Variants in TMEM74 observed in about 807,000 individuals in gnomAD.
The protein encoded by TMEM74 is transmembrane protein 74.
TMEM74 carries 13 observed loss-of-function variants against 18.1 expected under a neutral mutation model. The observed-to-expected ratio is 0.72, with a 90% CI of 0.47 to 1.14. The LOEUF (loss-of-function observed/expected upper bound fraction) is 1.14. Among genes scored for constraint, TMEM74 ranks in the 50% most tolerant of loss-of-function variants. The pLI is 0.00. For synonymous variants in TMEM74, 159 were observed against 146.6 expected, an observed-to-expected ratio of 1.08 and a Z score of -0.61; for missense variants, 372 against 375.9, an observed-to-expected ratio of 0.99 and a Z score of 0.09.
At chr8:108,741,934 G>A (rs1813804870) in intron 1 of TMEM74, among the ~76,000 whole-genome samples, 1 of 152,016 alleles carries the variant, frequency 6.6e-6, no homozygotes. Context: ...AAGAAAATAT[G>A]GTACAAATAT....
At chr8:108,757,247 G>A (rs962088885) in intron 1 of TMEM74, among the ~76,000 whole-genome samples, 1 of 151,858 alleles carries the variant, frequency 6.6e-6, no homozygotes, top group Non-Finnish European at 1.5e-5. Flanking sequence ...TGCTAGATTA[G>A]GACCATCTTA....
intron 3 of TMEM74, among the ~76,000 whole-genome samples, chr8:108,608,163 A>G (rs537337109): frequency 3.9e-5 from 6 of 152,032 alleles, no homozygotes; most frequent in Non-Finnish European, 5.9e-5. Context: ...TTAGCTGGGC[A>G]TGGTGGTGCG....
At chr8:108,714,833 T>C (rs1399722420) in intron 1 of TMEM74, among the ~76,000 whole-genome samples, 1 of 152,150 alleles carries the variant, frequency 6.6e-6, no homozygotes, top group Admixed American at 6.5e-5. Context: ...TACCATGGAA[T>C]ACCATGCAGC....
chr8:108,671,560 G>A (rs553055495), intron 1 of TMEM74, among the ~76,000 whole-genome samples: 93 of 152,254 alleles, frequency 6.1e-4, no homozygotes, highest in African/African-American at 2.0e-3. Flanking sequence ...TTGGTTCTCC[G>A]AAAATGTTGA....
intron 1 of TMEM74, among the ~76,000 whole-genome samples, chr8:108,658,341 G>A (rs897510788): frequency 2.2e-4 from 33 of 151,928 alleles, no homozygotes; most frequent in African/African-American, 7.7e-4. Context: ...CATATACACA[G>A]GATTTTTGGC....
At chr8:108,703,875 A>G (rs918369499) in intron 1 of TMEM74, among the ~76,000 whole-genome samples, 2 of 152,328 alleles carry the variant, frequency 1.3e-5, no homozygotes, top group Admixed American at 1.3e-4. Context: ...TACTCATACC[A>G]AACTCAAGAA....
chr8:108,709,054 T>C (rs1813448928), intron 1 of TMEM74, among the ~76,000 whole-genome samples: 1 of 152,114 alleles, frequency 6.6e-6, no homozygotes, highest in Non-Finnish European at 1.5e-5. Flanking sequence ...TGTGGAGAAA[T>C]TGGAATCCTT....
At chr8:108,680,421 G>C (rs1170738601) in intron 1 of TMEM74, among the ~76,000 whole-genome samples, 1 of 152,146 alleles carries the variant, frequency 6.6e-6, no homozygotes, top group Non-Finnish European at 1.5e-5. Context: ...AAAACCACAT[G>C]ATTATCTCAA....
intron 2 of TMEM74, among the ~76,000 whole-genome samples, chr8:108,651,951 A>T (rs1055682523): frequency 6.6e-6 from 1 of 152,108 alleles, no homozygotes; most frequent in African/African-American, 2.4e-5. Context: ...TAAAAAAAAA[A>T]AAAATCCTAG....
At chr8:108,635,398 T>A (rs550700023) in intron 2 of TMEM74, among the ~76,000 whole-genome samples, 3 of 152,182 alleles carry the variant, frequency 2.0e-5, no homozygotes, top group South Asian at 4.1e-4. Context: ...CATAGAGTTA[T>A]GTGCTTCTCA....
At chr8:108,688,865 T>C (rs1342507236) in intron 1 of TMEM74, among the ~76,000 whole-genome samples, 1 of 152,216 alleles carries the variant, frequency 6.6e-6, no homozygotes, top group Admixed American at 6.5e-5. Context: ...CAATCTATTG[T>C]AGGCTCTAAA....
rs1008300561 is a variant in TMEM74 at position 108,677,996 on chromosome 8, T to A, written n.120-22559A>T. 2.6e-5 allele frequency among the ~76,000 whole-genome samples: 4 copies of A among 152,148 alleles called. No homozygotes were observed. The East Asian group carries it at 5.8e-4, about 22-fold the overall frequency. On this transcript the variant is annotated intron_variant and non_coding_transcript_variant, in intron 1 of 3. Transcript: ENST00000518838. ...ACCATAGACTTGAGAGATATCCAGG[T>A]AGATTGTACTTTGACCATGGCCATG...
chr8:108,744,705 T>A (rs1813832849), intron 1 of TMEM74, among the ~76,000 whole-genome samples: 1 of 152,188 alleles, frequency 6.6e-6, no homozygotes, highest in Non-Finnish European at 1.5e-5. Flanking sequence ...ATTGACATTA[T>A]CAGGGTGGAA....
chr8:108,650,452 A>G (rs1045917016), intron 2 of TMEM74, among the ~76,000 whole-genome samples: 1 of 152,164 alleles, frequency 6.6e-6, no homozygotes, highest in African/African-American at 2.4e-5. Flanking sequence ...CAAAAGCCAA[A>G]GTATTTGCAA....
intron 1 of TMEM74, among the ~76,000 whole-genome samples, chr8:108,768,472 TA>T (rs60260971): frequency 6.6e-6 from 1 of 152,118 alleles, no homozygotes; most frequent in African/African-American, 2.4e-5. Flanking sequence ...ACTTTCATTT[TA>T]AAAAAATGAG....
At position 108,742,939 on chromosome 8, in the gene TMEM74, G is replaced by A. The variant is rs996103894; in HGVS notation, n.119+44537C>T. Among the ~76,000 whole-genome samples, 6 of 152,186 alleles carry A rather than the reference G, an allele frequency of 3.9e-5. No individual in the cohort carries two copies. In the South Asian group the frequency reaches 6.2e-4, roughly 16 times the overall value. On this transcript the variant is annotated intron_variant and non_coding_transcript_variant, in intron 1 of 3. Transcript: ENST00000518838. Reference sequence around the variant, plus strand: ...GTGTAACATTTCAATCAGGAAAGCCGTAAATCAATAGAGATGTTGTAACTG... The same window carrying A: ...GTGTAACATTTCAATCAGGAAAGCCATAAATCAATAGAGATGTTGTAACTG...
chr8:108,730,606 G>C (rs1490721995), intron 1 of TMEM74, among the ~76,000 whole-genome samples: 1 of 147,622 alleles, frequency 6.8e-6, no homozygotes, highest in African/African-American at 2.5e-5. Context: ...AAAACTATAC[G>C]CTTTAGCTTT....
intron 1 of TMEM74, among the ~76,000 whole-genome samples, chr8:108,742,171 GA>G (rs1319105710): frequency 6.6e-6 from 1 of 151,638 alleles, no homozygotes; most frequent in East Asian, 1.9e-4. Flanking sequence ...GAGAGGAGCA[GA>G]AAAAAAATAA....
chr8:108,615,943 C>T (rs1236781140), intron 2 of TMEM74, among the ~76,000 whole-genome samples: 5 of 150,968 alleles, frequency 3.3e-5, no homozygotes, highest in African/African-American at 4.9e-5. Context: ...CGTGCCACCA[C>T]ACCCAGCTAA....
Sources: allele counts gnomAD v4.1 joint callset (sites outside exome capture counted in the v4.1 genomes callset), GRCh38; gene constraint gnomAD v4.1.1; transcripts MANE v1.5; gene names NCBI Gene and HGNC (gene_info 2026-07-23, HGNC 2026-07-21).